GJC1: variants seen among roughly 807,000 people sequenced by gnomAD.
The protein encoded by GJC1 is gap junction protein gamma 1.
In GJC1, 5 loss-of-function variants were observed where a neutral mutation model predicts 29.3. The observed-to-expected ratio is 0.17, with a 90% CI of 0.09 to 0.36. The LOEUF (loss-of-function observed/expected upper bound fraction) is 0.36, where lower values mean the gene tolerates loss of function less well. Among genes scored for constraint, GJC1 ranks in the 10% least tolerant of loss-of-function variants. GJC1 has a pLI of 1.00. For missense variants in GJC1, 310 were observed against 496.2 expected, an observed-to-expected ratio of 0.62 and a Z score of 3.56; for synonymous variants, 177 against 183.3, an observed-to-expected ratio of 0.97 and a Z score of 0.28.
At chr17:44,817,970 T>G (rs2050062813) in intron 1 of GJC1, among the ~76,000 whole-genome samples, 2 of 152,056 alleles carry the variant, frequency 1.3e-5, no homozygotes, top group South Asian at 4.1e-4. Flanking sequence ...CCCAGCACTT[T>G]GGGAGGCCGA....
intron 1 of GJC1, among the ~76,000 whole-genome samples, chr17:44,819,364 A>G (rs2050080230): frequency 6.6e-6 from 1 of 152,094 alleles, no homozygotes; most frequent in Non-Finnish European, 1.5e-5. Flanking sequence ...ATGTGTCAGA[A>G]TTTCCTTCCT....
intron 1 of GJC1, among the ~76,000 whole-genome samples, chr17:44,819,387 G>A (rs1048947811): frequency 6.6e-6 from 1 of 152,042 alleles, no homozygotes. Flanking sequence ...GGCCAGGCGC[G>A]GTGGCTCACG....
At chr17:44,808,746 C>T (rs1426326394) in intron 1 of GJC1, among the ~76,000 whole-genome samples, 1 of 151,862 alleles carries the variant, frequency 6.6e-6, no homozygotes, top group African/African-American at 2.4e-5. Flanking sequence ...TAGGTGACAG[C>T]GAAACCTCAA....
intron 1 of GJC1, among the ~76,000 whole-genome samples, chr17:44,811,670 A>C (rs1182421602): frequency 6.6e-6 from 1 of 152,068 alleles, no homozygotes; most frequent in Non-Finnish European, 1.5e-5. Context: ...TACAAGCATG[A>C]GCCACTATGC....
rs981821832 is a variant in GJC1, at chr17:44,805,967, C to G, written c.-20-130G>C. On this transcript the variant is annotated intron_variant, in intron 2 of 2. Transcript: ENST00000592524. The surrounding 1 kb of genome is among the most constrained non-coding windows in gnomAD (Gnocchi z 5.1). Reference sequence around the variant, plus strand: ...TCTAACCTCAAGGTTCACAGTGGAACAAATGTTAGAATAAACAGCATCTCA... The same window carrying G: ...TCTAACCTCAAGGTTCACAGTGGAAGAAATGTTAGAATAAACAGCATCTCA... The G allele has an allele frequency of 1.0e-5, 6 of 591,874 alleles. No homozygotes were observed. The highest frequency in any genetic ancestry group is 1.9e-5 in the African/African-American group (1 of 53,498). The allele number at this position is 591,874 out of a possible 1,614,324, so 36.7% of individuals were successfully genotyped here. A position where few individuals can be genotyped will look rare whatever the true frequency, so the allele number is the denominator to read the frequency against.
chr17:44,798,145 G>A (rs1207614288), downstream of GJC1, among the ~76,000 whole-genome samples: 5 of 152,118 alleles, frequency 3.3e-5, no homozygotes, highest in South Asian at 2.1e-4. Flanking sequence ...AGATTGCGAC[G>A]CCACGAATAT....
intron 1 of GJC1, among the ~76,000 whole-genome samples, chr17:44,812,741 G>A (rs1349325666): frequency 6.6e-6 from 1 of 151,654 alleles, no homozygotes; most frequent in Admixed American, 6.6e-5. Flanking sequence ...TCCACCTCCC[G>A]GGTTCAAGCG....
intron 1 of GJC1, among the ~76,000 whole-genome samples, chr17:44,827,270 G>A (rs8081554): frequency 3.3e-5 from 5 of 151,854 alleles, no homozygotes; most frequent in South Asian, 2.1e-4. Flanking sequence ...AGATAGCACC[G>A]TTGCAGTGAG....
chr17:44,806,401 GTT>G (rs35152035), intron 2 of GJC1, among the ~76,000 whole-genome samples: 13 of 122,120 alleles, frequency 1.1e-4, no homozygotes, highest in Middle Eastern at 4.1e-3. Context: ...TCTTCTGTTT[GTT>G]TTTTTTTTTT....
chr17:44,795,007 A>C (rs1372296004), downstream of GJC1: 1 of 152,164 alleles, frequency 6.6e-6, no homozygotes, highest in Non-Finnish European at 1.5e-5. Flanking sequence ...AGAAAAAGTC[A>C]ATTGACAAAG....
At chr17:44,825,546 G>A (rs1369443053) in intron 1 of GJC1, among the ~76,000 whole-genome samples, 1 of 152,008 alleles carries the variant, frequency 6.6e-6, no homozygotes, top group East Asian at 1.9e-4. Context: ...ACTTTGAGAG[G>A]CTGAGGCAAC....
chr17:44,804,953 C>T lies in GJC1; in HGVS notation c.865G>A (p.Gly289Ser), dbSNP rs776423652. The T allele has an allele frequency of 5.0e-6, 8 of 1,614,090 alleles. No individual in the cohort carries two copies. Among genetic ancestry groups the T allele is most frequent in the Non-Finnish European group, 6.8e-6 (8 of 1,180,000 alleles). The change falls in exon 3 of 3, where the codon GGC (glycine) becomes AGC (serine). Residue 289 changes from glycine to serine, a missense_variant. This residue lies in a region of GJC1 where 146 missense variants were observed against 165.0 expected (regional missense o/e 0.88). Transcript: ENST00000592524. ...FTWNTPSAPPGYNIAVKPDQI... is the reference protein window; with the variant it reads ...FTWNTPSAPPSYNIAVKPDQI... The stretch of plus-strand genomic sequence containing the variant: ...TCTGGTTTGACAGCAATGTTATAGC[C>T]AGGGGGAGCAGATGGTGTATTCCAA...
At chr17:44,828,562 A>C (rs965604744) in intron 1 of GJC1, among the ~76,000 whole-genome samples, 4 of 152,208 alleles carry the variant, frequency 2.6e-5, no homozygotes, top group Admixed American at 6.5e-5. Flanking sequence ...TGGGCACAAA[A>C]ATCTGGGGAA....
chr17:44,794,877 G>A (rs2049774654), downstream of GJC1: 1 of 152,218 alleles, frequency 6.6e-6, no homozygotes. Flanking sequence ...CTCCAGGCAT[G>A]AGCAGGGGGC....
At chr17:44,808,630 C>T (rs1414968544) in intron 1 of GJC1, among the ~76,000 whole-genome samples, 1 of 152,076 alleles carries the variant, frequency 6.6e-6, no homozygotes, top group African/African-American at 2.4e-5. Flanking sequence ...AGCATGGTGA[C>T]GCACACCTGT....
downstream of GJC1, among the ~76,000 whole-genome samples, chr17:44,796,518 A>C (rs749912923): frequency 6.6e-6 from 1 of 152,336 alleles, no homozygotes; most frequent in East Asian, 1.9e-4. Context: ...TCTTGAACAG[A>C]GGAGGTAATT....
intron 1 of GJC1, among the ~76,000 whole-genome samples, chr17:44,822,941 T>C (rs1177426614): frequency 6.6e-6 from 1 of 152,040 alleles, no homozygotes; most frequent in East Asian, 1.9e-4. Context: ...CAAATAAACA[T>C]CTACTCTGGA....
upstream of GJC1, among the ~76,000 whole-genome samples, chr17:44,830,413 C>T (rs1389954047): frequency 1.3e-5 from 2 of 151,942 alleles, no homozygotes; most frequent in Non-Finnish European, 2.9e-5. This position sits in a 1 kb window ranked among gnomAD's most constrained non-coding sequence, Gnocchi z 4.3. Context: ...GCGACGCGAG[C>T]GCCAACTTTC....
At chr17:44,808,463 G>A (rs912288495) in intron 1 of GJC1, among the ~76,000 whole-genome samples, 20 of 125,622 alleles carry the variant, frequency 1.6e-4, no homozygotes, top group Non-Finnish European at 2.7e-4. Flanking sequence ...ACACACACAC[G>A]GCCCAGCACA....
Sources: gnomAD v4.1 joint callset for allele counts (sites outside exome capture counted in the v4.1 genomes callset) on GRCh38, gnomAD v4.1.1 for gene constraint, gnomAD v4.1.1 regional missense constraint, Gnocchi (gnomAD v3.1) non-coding constraint, MANE v1.5 for transcripts, NCBI Gene and HGNC (gene_info 2026-07-23, HGNC 2026-07-21) for gene names.